The following ATXN1 variants were observed in gnomAD, a reference collection of about 807,000 sequenced individuals.
The protein encoded by ATXN1 is ataxin-1.
Under a neutral mutation model 56.4 loss-of-function variants are expected in ATXN1, and 8 were observed. That is an observed-to-expected ratio of 0.14 (90% CI 0.08 to 0.26). The LOEUF is 0.26. Among genes scored for constraint, ATXN1 ranks in the 10% least tolerant of loss-of-function variants. The probability of loss-of-function intolerance (pLI) is 1.00; values close to 1 mark genes in which losing one functional copy is unlikely to be tolerated. For synonymous variants in ATXN1, 514 were observed against 494.6 expected (o/e 1.04, Z -0.52); for missense variants, 987 against 1,106.5 (o/e 0.89, Z 1.53).
At chr6:16,700,785 T>TTACC (rs2113436180) in intron 2 of ATXN1, among the ~76,000 whole-genome samples, 1 of 152,140 alleles carries the variant, frequency 6.6e-6, no homozygotes, top group East Asian at 1.9e-4. Context: ...GGGTGTAACG[T>TTACC]GGTAAGCAGA....
At chr6:16,600,862 G>C (rs754035673) in intron 3 of ATXN1, among the ~76,000 whole-genome samples, 6 of 152,310 alleles carry the variant, frequency 3.9e-5, no homozygotes, top group Admixed American at 6.5e-5. Context: ...TAAGGTATAT[G>C]TCTGGCAAGC....
chr6:16,592,019 T>C (rs1037392307), intron 3 of ATXN1, among the ~76,000 whole-genome samples: 35 of 152,172 alleles, frequency 2.3e-4, no homozygotes, highest in African/African-American at 8.2e-4. Context: ...CAGGGGCCCC[T>C]GGGTGTTCTA....
intron 6 of ATXN1, among the ~76,000 whole-genome samples, chr6:16,347,468 G>A (rs1316221037): frequency 1.3e-5 from 2 of 152,050 alleles, no homozygotes; most frequent in African/African-American, 4.8e-5. Context: ...CTACTCTGGT[G>A]GGGACTTGGA....
intron 4 of ATXN1, among the ~76,000 whole-genome samples, chr6:16,539,985 A>T (rs1221735502): frequency 6.6e-6 from 1 of 152,218 alleles, no homozygotes; most frequent in East Asian, 1.9e-4. Flanking sequence ...AGGAAAGAGG[A>T]TCCATGCCAC....
At chr6:16,470,712 T>G (rs926869669) in intron 6 of ATXN1, among the ~76,000 whole-genome samples, 2 of 152,034 alleles carry the variant, frequency 1.3e-5, no homozygotes, top group Non-Finnish European at 2.9e-5. Context: ...GAAATCACCA[T>G]TAAAAAAATT....
chr6:16,319,535 T>C (rs1180182756), intron 7 of ATXN1, among the ~76,000 whole-genome samples: 1 of 152,186 alleles, frequency 6.6e-6, no homozygotes, highest in Non-Finnish European at 1.5e-5. Context: ...CATGACATCA[T>C]AAATTCATCA....
chr6:16,726,281 G>A (rs777376467), intron 2 of ATXN1, among the ~76,000 whole-genome samples: 3 of 151,358 alleles, frequency 2.0e-5, no homozygotes, highest in Non-Finnish European at 2.9e-5. Flanking sequence ...ACAGGTGGCT[G>A]AGGCAAGAGA....
chr6:16,353,152 T>C (rs2113463163), intron 6 of ATXN1, among the ~76,000 whole-genome samples: 1 of 152,312 alleles, frequency 6.6e-6, no homozygotes, highest in Non-Finnish European at 1.5e-5. Flanking sequence ...ATTTCATACT[T>C]TCAGTCTGCA....
At chr6:16,604,603 T>C (rs954830516) in intron 3 of ATXN1, among the ~76,000 whole-genome samples, 4 of 151,506 alleles carry the variant, frequency 2.6e-5, no homozygotes, top group African/African-American at 9.7e-5. Flanking sequence ...TTTTTTTTTT[T>C]TTTAGACAGG....
chr6:16,376,931 G>A (rs910337199), intron 6 of ATXN1, among the ~76,000 whole-genome samples: 1 of 152,226 alleles, frequency 6.6e-6, no homozygotes. Flanking sequence ...AAGGTAAGGA[G>A]TATACAAAGA....
chr6:16,657,266 C>T (rs759851123), intron 3 of ATXN1, among the ~76,000 whole-genome samples: 3 of 152,104 alleles, frequency 2.0e-5, no homozygotes, highest in Non-Finnish European at 4.4e-5. Flanking sequence ...GGATTACAGG[C>T]GTGAGCCACC....
chr6:16,566,583 G>A (rs1482236924), intron 4 of ATXN1, among the ~76,000 whole-genome samples: 1 of 152,092 alleles, frequency 6.6e-6, no homozygotes, highest in African/African-American at 2.4e-5. Context: ...GCTGGGCGCG[G>A]TGGCTCACGA....
chr6:16,394,002 T>C (rs1316465591), intron 6 of ATXN1, among the ~76,000 whole-genome samples: 2 of 152,076 alleles, frequency 1.3e-5, no homozygotes, highest in African/African-American at 4.8e-5. Flanking sequence ...TCTAAGACAC[T>C]TCTTTAAGAT....
chr6:16,550,153 T>TAAAAAAAAAAAAAAAAAAA (rs1194433906), intron 4 of ATXN1, among the ~76,000 whole-genome samples: 2 of 34,196 alleles, frequency 5.8e-5, no homozygotes, highest in African/African-American at 1.8e-4. Flanking sequence ...ATAAATAAAA[T>TAAAAAAAAAAAAAAAAAAA]ACAAAAAAAA....
At position 16,306,495 on chromosome 6, in the gene ATXN1, A is replaced by C. The variant is rs1321409091; in HGVS notation, c.2282T>G (p.Ile761Arg). The C allele has an allele frequency of 1.2e-6, 2 of 1,613,982 alleles. No homozygotes were observed. The change falls in exon 8 of 8, where the codon ATA becomes AGA. Residue 761 changes from isoleucine (I) to arginine (R), a missense_variant. Physicochemically the swap from Ile to Arg is moderately conservative, Grantham distance 97. Transcript: ENST00000436367. This position sits in a 1 kb window ranked among gnomAD's most constrained non-coding sequence, Gnocchi z 5.2. ...CGTTGCCGCGGGCTTGCTGGGTTCT[A>C]TTTTGGTGAGGAAGGGCGCTGCAGG... ...GLPAAPFLTK[I>R]EPSKPAATRK...
chr6:16,602,638 G>A (rs1762932916), intron 3 of ATXN1, among the ~76,000 whole-genome samples: 1 of 152,196 alleles, frequency 6.6e-6, no homozygotes, highest in Non-Finnish European at 1.5e-5. Flanking sequence ...TTTTAGTACA[G>A]ATGGGGTTTC....
intron 6 of ATXN1, among the ~76,000 whole-genome samples, chr6:16,341,247 T>C (rs186162404): frequency 1.3e-5 from 2 of 152,290 alleles, no homozygotes; most frequent in Non-Finnish European, 1.5e-5. Context: ...TGCTGAATAA[T>C]GGTGTATCAG....
chr6:16,490,913 G>C (rs1316320988), intron 5 of ATXN1, among the ~76,000 whole-genome samples: 1 of 152,086 alleles, frequency 6.6e-6, no homozygotes, highest in Non-Finnish European at 1.5e-5. Flanking sequence ...CTTTCCTAGT[G>C]AGACCACGGG....
At chr6:16,706,736 A>AAAAAAAC (rs1554127335) in intron 2 of ATXN1, among the ~76,000 whole-genome samples, 1 of 144,764 alleles carries the variant, frequency 6.9e-6, no homozygotes, top group Non-Finnish European at 1.5e-5. Flanking sequence ...AAAAAAAAAA[A>AAAAAAAC]AAAAGGAAGA....
Sources: gnomAD v4.1 joint callset for allele counts (sites outside exome capture counted in the v4.1 genomes callset) on GRCh38, gnomAD v4.1.1 for gene constraint, Gnocchi (gnomAD v3.1) non-coding constraint, MANE v1.5 for transcripts, NCBI Gene and HGNC (gene_info 2026-07-23, HGNC 2026-07-21) for gene names.